Variants in DLGAP2 observed in about 807,000 individuals in gnomAD.
The protein encoded by DLGAP2 is DLG associated protein 2, also known as disks large-associated protein 2.
A neutral mutation model predicts 100.3 loss-of-function variants in DLGAP2; 26 were observed. The ratio of observed to expected loss-of-function variants is 0.26; its 90% confidence interval spans 0.19 to 0.36. The LOEUF (loss-of-function observed/expected upper bound fraction) is 0.36, where lower values mean the gene tolerates loss of function less well. DLGAP2 is among the 10% of genes least tolerant of loss of function. The pLI, the probability that DLGAP2 is intolerant of heterozygous loss-of-function variation, is 1.00. For missense variants in DLGAP2, 1,858 were observed against 1,453.2 expected (o/e 1.28, Z -4.53); for synonymous variants, 886 against 630.1 (o/e 1.41, Z -6.08).
intron 2 of DLGAP2, among the ~76,000 whole-genome samples, chr8:946,478 T>A (rs1033310991): frequency 6.6e-6 from 1 of 151,990 alleles, no homozygotes; most frequent in Non-Finnish European, 1.5e-5. Context: ...TTAGCCAGGA[T>A]GGTCTCGATC....
At chr8:1,245,212 C>A (rs536616203) in intron 2 of DLGAP2, among the ~76,000 whole-genome samples, 39 of 152,282 alleles carry the variant, frequency 2.6e-4, no homozygotes, top group African/African-American at 7.9e-4. Flanking sequence ...CATAGAGTTA[C>A]CATGTGACCA....
chr8:1,194,644 G>A (rs962741027), intron 2 of DLGAP2, among the ~76,000 whole-genome samples: 2 of 152,238 alleles, frequency 1.3e-5, no homozygotes, highest in African/African-American at 2.4e-5. Context: ...CTATAGGAAC[G>A]TGTTGGGGCT....
At chr8:1,431,921 C>T (rs371598564) in intron 3 of DLGAP2, among the ~76,000 whole-genome samples, 101 of 150,310 alleles carry the variant, frequency 6.7e-4, no homozygotes, top group Non-Finnish European at 1.2e-3. Context: ...CAGGGCTGAA[C>T]CCTGCCGGCA....
intron 1 of DLGAP2, among the ~76,000 whole-genome samples, chr8:894,620 G>A (rs1289543924): frequency 8.2e-6 from 1 of 122,626 alleles, no homozygotes; most frequent in East Asian, 2.4e-4. Context: ...CAGAGTGACA[G>A]CTGGCAGGGG....
At chr8:1,502,330 C>G (rs756937615) in intron 4 of DLGAP2, among the ~76,000 whole-genome samples, 1 of 152,190 alleles carries the variant, frequency 6.6e-6, no homozygotes, top group Non-Finnish European at 1.5e-5. Flanking sequence ...AGACTTTTAG[C>G]CAGTGCATCT....
chr8:1,389,920 G>C (rs1453198318), intron 3 of DLGAP2, among the ~76,000 whole-genome samples: 1 of 152,052 alleles, frequency 6.6e-6, no homozygotes, highest in East Asian at 1.9e-4. Flanking sequence ...CCACAGAGAG[G>C]GGCCGCGGAG....
intron 3 of DLGAP2, among the ~76,000 whole-genome samples, chr8:1,418,194 C>T (rs1359121501): frequency 1.3e-5 from 2 of 152,146 alleles, no homozygotes; most frequent in African/African-American, 2.4e-5. Context: ...TCTTGGGTGG[C>T]CCAAAGAATG....
intron 1 of DLGAP2, among the ~76,000 whole-genome samples, chr8:813,501 C>A (rs980710481): frequency 2.6e-5 from 4 of 152,150 alleles, no homozygotes; most frequent in Admixed American, 6.5e-5. Context: ...CTCTTCCAGG[C>A]ACCCTTGAGG....
At chr8:865,428 G>A (rs1373723227) in intron 1 of DLGAP2, among the ~76,000 whole-genome samples, 3 of 152,164 alleles carry the variant, frequency 2.0e-5, no homozygotes, top group Admixed American at 6.5e-5. Context: ...GATTTGCGGC[G>A]TCAGGTCTAC....
At chr8:1,262,228 G>C (rs1799365895) in intron 3 of DLGAP2, among the ~76,000 whole-genome samples, 1 of 152,152 alleles carries the variant, frequency 6.6e-6, no homozygotes, top group South Asian at 2.1e-4. Flanking sequence ...TCTCTACGAT[G>C]GTGTGGCCTG....
chr8:1,408,479 C>T (rs1351154109), intron 3 of DLGAP2, among the ~76,000 whole-genome samples: 1 of 152,210 alleles, frequency 6.6e-6, no homozygotes, highest in South Asian at 2.1e-4. Context: ...CTGAAGCCCC[C>T]ATGGCCCTGC....
chr8:946,550 A>G (rs971020728), intron 2 of DLGAP2, among the ~76,000 whole-genome samples: 4 of 152,180 alleles, frequency 2.6e-5, no homozygotes, highest in Admixed American at 6.5e-5. Context: ...GGCGTGAGCC[A>G]CCGCGCCCGG....
At chr8:1,176,765 C>T (rs1360328766) in intron 2 of DLGAP2, among the ~76,000 whole-genome samples, 1 of 152,132 alleles carries the variant, frequency 6.6e-6, no homozygotes. Flanking sequence ...GAGATGGTCA[C>T]TGGGTCCCTG....
chr8:1,567,682 G>C (rs1465694964), intron 6 of DLGAP2, among the ~76,000 whole-genome samples: 1 of 152,088 alleles, frequency 6.6e-6, no homozygotes, highest in Non-Finnish European at 1.5e-5. Flanking sequence ...TCCTGTACGA[G>C]GCTCCAGTAC....
intron 3 of DLGAP2, among the ~76,000 whole-genome samples, chr8:1,442,471 G>A (rs1173429389): frequency 6.7e-6 from 1 of 148,530 alleles, no homozygotes; most frequent in African/African-American, 2.5e-5. Flanking sequence ...CCGCCAGGCT[G>A]CTGGGGGTTC....
At chr8:1,501,276 T>C (rs1411165589) in intron 3 of DLGAP2, 90 bp from the exon 4 acceptor site, 2 of 1,333,452 alleles carry the variant, frequency 1.5e-6, no homozygotes, top group African/African-American at 2.9e-5. Flanking sequence ...TTTGAACTGT[T>C]GAGTGTGGAG....
chr8:841,962 G>T (rs1227705824), intron 1 of DLGAP2, among the ~76,000 whole-genome samples: 1 of 152,178 alleles, frequency 6.6e-6, no homozygotes, highest in Admixed American at 6.5e-5. Context: ...TCATGTGCCT[G>T]GCAGTCTTAA....
rs62484161 is a variant in DLGAP2 at position 1,374,104 on chromosome 8, G to C, written c.106+115221G>C. 3.9e-4 allele frequency among the ~76,000 whole-genome samples: 53 copies of C among 135,138 alleles called. 1 individual carries two copies. Among genetic ancestry groups the C allele is most frequent in the African/African-American group, 1.3e-3 (45 of 34,504 alleles). 88.7% of individuals were successfully genotyped at this position (135,138 alleles called of 152,430 possible). A position where few individuals can be genotyped will look rare whatever the true frequency, so the allele number is the denominator to read the frequency against. On this transcript the variant is annotated intron_variant, in intron 3 of 14. Transcript: ENST00000637795. The stretch of plus-strand genomic sequence containing the variant: ...GTGGAGGTTAGGTTAGGTTTGCAGA[G>C]GACTGTGTGGTGGAGGTTAGGTTAG...
intron 6 of DLGAP2, among the ~76,000 whole-genome samples, chr8:1,586,544 C>G (rs554613010): frequency 7.2e-5 from 11 of 152,212 alleles, no homozygotes; most frequent in Non-Finnish European, 1.6e-4. Context: ...ACCCCGGGGT[C>G]TGCTGGTTAG....
Sources: gnomAD v4.1 joint callset for allele counts (sites outside exome capture counted in the v4.1 genomes callset) on GRCh38, gnomAD v4.1.1 for gene constraint, MANE v1.5 for transcripts, NCBI Gene and HGNC (gene_info 2026-07-23, HGNC 2026-07-21) for gene names.